Variants in AIMP2 observed in about 807,000 individuals in gnomAD.
AIMP2 encodes the protein aminoacyl tRNA synthase complex-interacting multifunctional protein 2.
A neutral mutation model predicts 23.4 loss-of-function variants in AIMP2; 20 were observed. The ratio of observed to expected loss-of-function variants is 0.85; its 90% CI spans 0.60 to 1.24. The LOEUF (loss-of-function observed/expected upper bound fraction) is 1.24. Among genes scored for constraint, AIMP2 ranks in the 50% most tolerant of loss-of-function variants. AIMP2 has a pLI of 0.00. For missense variants in AIMP2, 515 were observed against 414.5 expected (o/e 1.24, Z -2.10); for synonymous variants, 210 against 170.4 (o/e 1.23, Z -1.81).
Position 6,014,873 on chromosome 7 carries a change from C to A in AIMP2, c.136-273C>A, listed in dbSNP as rs755163257. Reference sequence around the variant, plus strand: ...TAGCTGGGATTACAGTTGCGTGCCACCATGCCAGGCTAATTTTTGTATTTC... The same window carrying A: ...TAGCTGGGATTACAGTTGCGTGCCAACATGCCAGGCTAATTTTTGTATTTC... On this transcript the variant is annotated intron_variant, in intron 1 of 3. Coordinates refer to ENST00000223029, the MANE Select transcript of AIMP2 (RefSeq NM_006303.4). 4.4e-5 allele frequency: 19 copies of A among 436,336 alleles called. 1 individual carries two copies. Among genetic ancestry groups the A allele is most frequent in the South Asian group, 4.2e-4 (18 of 43,076 alleles). The allele number at this position is 436,336 out of a possible 1,614,324, so 27.0% of individuals were successfully genotyped here.
chr7:6,018,115 A>T, intron 3 of AIMP2, 70 bp downstream of exon 3: 6 of 1,122,012 alleles, frequency 5.3e-6, no homozygotes, highest in Non-Finnish European at 7.7e-6. Context: ...CACCTGCATG[A>T]GTCCATTTAC....
chr7:6,021,102 G>A (rs1002279379), intron 3 of AIMP2, among the ~76,000 whole-genome samples: 4 of 152,054 alleles, frequency 2.6e-5, no homozygotes, highest in African/African-American at 7.2e-5. Flanking sequence ...AGAGCCCCAC[G>A]AGTTAACACC....
At chr7:6,009,638 T>G in intron 1 of AIMP2, 140 bp downstream of exon 1, 1 of 719,612 alleles carries the variant, frequency 1.4e-6, no homozygotes, top group East Asian at 3.6e-5. Context: ...AGGGACTCAC[T>G]CAGACTTTTA....
chr7:6,016,902 C>G, intron 2 of AIMP2: 1 of 160,302 alleles, frequency 6.2e-6, no homozygotes, highest in Non-Finnish European at 1.4e-5. Flanking sequence ...ATGACAGGCC[C>G]ATCCCCCTGG....
At position 6,017,935 on chromosome 7, in the gene AIMP2, A is replaced by G; in HGVS notation, c.464A>G (p.His155Arg). 3 of 1,613,734 alleles carry G rather than the reference A, an allele frequency of 1.9e-6. No individual in the cohort carries two copies. The highest frequency in any genetic ancestry group is 2.5e-6 in the Non-Finnish European group (3 of 1,179,968). The change falls in exon 3 of 4, where the codon CAC (histidine) becomes CGC (arginine). Residue 155 changes from histidine to arginine, a missense_variant. Physicochemically the swap from His to Arg is conservative, Grantham distance 29. Coordinates refer to ENST00000223029, the MANE Select transcript of AIMP2 (RefSeq NM_006303.4). ...AGGGTCCTGTCCACGGTGCACACGC[A>G]CTCCTCGGTCAAGAGCGTGCCTGAA... ...HFRVLSTVHT[H>R]SSVKSVPENL...
At chr7:6,021,134 T>C (rs1787377448) in intron 3 of AIMP2, among the ~76,000 whole-genome samples, 1 of 152,112 alleles carries the variant, frequency 6.6e-6, no homozygotes, top group African/African-American at 2.4e-5. Context: ...AGTCGTCTAC[T>C]TGCCCCCAGG....
At chr7:6,020,655 G>A (rs1279665351) in intron 3 of AIMP2, among the ~76,000 whole-genome samples, 5 of 152,130 alleles carry the variant, frequency 3.3e-5, no homozygotes, top group Admixed American at 3.3e-4. Context: ...AGCAGCTTCC[G>A]CCAACCAAGA....
At position 6,015,204 on chromosome 7, in the gene AIMP2, G is replaced by A. The variant is rs1393448099; in HGVS notation, c.194G>A (p.Arg65His). The A allele has an allele frequency of 5.0e-6, 8 of 1,614,112 alleles. 1 individual carries two copies. The South Asian group carries it at 5.5e-5, about 11-fold the overall frequency. Residue 65 changes from arginine (R) to histidine (H), a missense_variant, in exon 2 of 4, where the codon CGT becomes CAT. Coordinates refer to ENST00000223029, the MANE Select transcript of AIMP2 (RefSeq NM_006303.4). ...TCCCGCCAAGATGATATTTTAAAAC[G>A]TCTGTATGAGTTGAAAGCTGCAGTT... ...LESRQDDILK[R>H]LYELKAAVDG...
Position 6,023,743 on chromosome 7 carries a change from A to G in AIMP2, c.*52A>G, listed in dbSNP as rs1440450552. The G allele has an allele frequency of 5.0e-6, 8 of 1,613,460 alleles. No homozygotes were observed. The highest frequency in any genetic ancestry group is 3.3e-5 in the Admixed American group (2 of 59,912). On this transcript the variant is annotated 3_prime_UTR_variant, in exon 4 of 4. Transcript: ENST00000223029. The stretch of plus-strand genomic sequence containing the variant: ...TAGATTTTAAGAATGGTGCTCTTTC[A>G]TGCCTATTATCAGTAAGGGGACTTG...
At chr7:6,011,042 T>C (rs1248959390) in intron 1 of AIMP2, among the ~76,000 whole-genome samples, 1 of 152,194 alleles carries the variant, frequency 6.6e-6, no homozygotes, top group East Asian at 1.9e-4. Flanking sequence ...ATCTCTGTAC[T>C]ATACCGTTCT....
chr7:6,020,033 A>AAAG (rs1554315268), intron 3 of AIMP2, among the ~76,000 whole-genome samples: 12 of 150,492 alleles, frequency 8.0e-5, no homozygotes, highest in Non-Finnish European at 8.9e-5. Context: ...AAAAAAAAAA[A>AAAG]AAAAGGGAAA....
chr7:6,014,361 G>A (rs1250593376), intron 1 of AIMP2, among the ~76,000 whole-genome samples: 1 of 146,774 alleles, frequency 6.8e-6, no homozygotes, highest in Non-Finnish European at 1.5e-5. Flanking sequence ...GGGTTCAAGC[G>A]ATTCTCCTGC....
intron 3 of AIMP2, among the ~76,000 whole-genome samples, chr7:6,021,338 CAAAAAA>C (rs563523048): frequency 3.0e-5 from 2 of 65,954 alleles, no homozygotes; most frequent in African/African-American, 5.9e-5. Context: ...GACTCCATCT[CAAAAAA>C]AAAAAAAAAA....
chr7:6,015,189 A>G lies in AIMP2; in HGVS notation c.179A>G (p.Asp60Gly). ...CTGCAAGCTCTTGAGTCCCGCCAAG[A>G]TGATATTTTAAAACGTCTGTATGAG... ...LSLQALESRQ[D>G]DILKRLYELK... is the part of the protein sequence containing the mutation. The change falls in exon 2 of 4, where the codon GAT becomes GGT. Residue 60 changes from aspartate to glycine, a missense_variant. Asp to Gly is a moderately conservative substitution (Grantham distance 94, BLOSUM62 -1). Coordinates refer to ENST00000223029, the MANE Select transcript of AIMP2 (RefSeq NM_006303.4). The G allele has an allele frequency of 1.2e-6, 2 of 1,614,186 alleles. No individual in the cohort carries two copies. The highest frequency in any genetic ancestry group is 8.5e-7 in the Non-Finnish European group (1 of 1,180,024).
chr7:6,009,560 C>G (rs151162174), intron 1 of AIMP2, 62 bp downstream of exon 1: 16 of 1,349,522 alleles, frequency 1.2e-5, no homozygotes, highest in Non-Finnish European at 1.5e-5. Flanking sequence ...GGCCCGGGTC[C>G]CCCCAGGCCG....
chr7:6,018,402 C>T (rs1162751865), intron 3 of AIMP2, among the ~76,000 whole-genome samples: 1 of 151,026 alleles, frequency 6.6e-6, no homozygotes, highest in Non-Finnish European at 1.5e-5. Flanking sequence ...CCTGCCTCAG[C>T]CTCCCAAAGT....
chr7:6,014,965 C>G (rs1437039346), intron 1 of AIMP2, 181 bp from the exon 2 acceptor site: 3 of 1,364,824 alleles, frequency 2.2e-6, no homozygotes, highest in Non-Finnish European at 2.9e-6. Flanking sequence ...GATGATCTGC[C>G]TACCTGGACC....
intron 3 of AIMP2, among the ~76,000 whole-genome samples, chr7:6,020,096 T>C (rs1787289028): frequency 6.6e-6 from 1 of 152,084 alleles, no homozygotes; most frequent in Non-Finnish European, 1.5e-5. Flanking sequence ...CCTTGCACTT[T>C]TTGCAGAATA....
chr7:6,022,663 C>T (rs1452079606), intron 3 of AIMP2: 3 of 152,002 alleles, frequency 2.0e-5, no homozygotes, highest in Non-Finnish European at 4.4e-5. Flanking sequence ...AATTTAGGGT[C>T]TCTGAGTGAG....
Sources: gnomAD v4.1 joint callset for allele counts (sites outside exome capture counted in the v4.1 genomes callset) on GRCh38, gnomAD v4.1.1 for gene constraint, MANE v1.5 for transcripts, NCBI Gene and HGNC (gene_info 2026-07-23, HGNC 2026-07-21) for gene names.